The following TBC1D4 variants were observed in gnomAD, a reference collection of about 807,000 sequenced individuals.
TBC1D4 encodes TBC1 domain family member 4, also known as TBC (Tre-2, BUB2, CDC16) domain-containing protein.
In TBC1D4, 121 loss-of-function variants were observed where a neutral mutation model predicts 142.5. The ratio of observed to expected loss-of-function variants is 0.85; its 90% CI spans 0.73 to 0.99. TBC1D4 has a LOEUF of 0.99. Among genes scored for constraint, TBC1D4 ranks in the 50% least tolerant of loss-of-function variants. TBC1D4 has a pLI of 0.00. For synonymous variants in TBC1D4, 630 were observed against 628.2 expected (o/e 1.00, Z -0.04); for missense variants, 1,475 against 1,606.6 (o/e 0.92, Z 1.40).
At chr13:75,350,071 T>C (rs1229317951) in intron 4 of TBC1D4, among the ~76,000 whole-genome samples, 1 of 152,200 alleles carries the variant, frequency 6.6e-6, no homozygotes, top group African/African-American at 2.4e-5. Context: ...TCCCCATGCA[T>C]TGTTAAACCA....
At chr13:75,413,715 C>T (rs561133920) in intron 1 of TBC1D4, among the ~76,000 whole-genome samples, 5 of 152,208 alleles carry the variant, frequency 3.3e-5, no homozygotes, top group South Asian at 4.2e-4. Flanking sequence ...AGCATCACGG[C>T]GGGAAACACT....
chr13:75,296,855 T>C (rs1875981954), intron 17 of TBC1D4, among the ~76,000 whole-genome samples: 2 of 152,042 alleles, frequency 1.3e-5, no homozygotes, highest in African/African-American at 2.4e-5. Flanking sequence ...ATTTTACAGA[T>C]AAGGTAACTG....
intron 3 of TBC1D4, among the ~76,000 whole-genome samples, chr13:75,359,531 G>A (rs534901004): frequency 6.6e-6 from 1 of 152,216 alleles, no homozygotes; most frequent in Non-Finnish European, 1.5e-5. Flanking sequence ...CAATGAGAAA[G>A]AGTTGGCTAA....
At chr13:75,361,885 G>T in intron 2 of TBC1D4, 141 bp downstream of exon 2, 1 of 1,003,626 alleles carries the variant, frequency 1.0e-6, no homozygotes, top group Non-Finnish European at 1.5e-6. Flanking sequence ...TCCTCCACCT[G>T]CCTTATCTGC....
At chr13:75,421,382 T>C (rs1700829076) in intron 1 of TBC1D4, among the ~76,000 whole-genome samples, 1 of 151,930 alleles carries the variant, frequency 6.6e-6, no homozygotes, top group Non-Finnish European at 1.5e-5. Flanking sequence ...AGCTGGGGAG[T>C]TCACAAAATC....
At chr13:75,333,716 T>G (rs991769407) in intron 8 of TBC1D4, among the ~76,000 whole-genome samples, 7 of 152,232 alleles carry the variant, frequency 4.6e-5, no homozygotes, top group Non-Finnish European at 1.0e-4. Flanking sequence ...TCACTCCAAT[T>G]GCATTGGTTG....
chr13:75,377,559 C>T lies in TBC1D4; in HGVS notation c.499-14952G>A, dbSNP rs958928280. 3.9e-5 allele frequency among the ~76,000 whole-genome samples: 6 copies of T among 152,018 alleles called. No individual in the cohort carries two copies. The East Asian group carries it at 1.2e-3, about 29-fold the overall frequency. ...CCATCCCATGGACACTACAACTATA[C>T]CTCAAACACAAATGAGCAAAAACAA... is the stretch of plus-strand genomic sequence containing the variant. On this transcript the variant is annotated intron_variant, in intron 1 of 20. Transcript: ENST00000377636.
At chr13:75,298,930 G>A (rs1233279005) in intron 17 of TBC1D4, among the ~76,000 whole-genome samples, 1 of 152,132 alleles carries the variant, frequency 6.6e-6, no homozygotes, top group Non-Finnish European at 1.5e-5. Context: ...CAAAAGTAAA[G>A]GGATAAAGAT....
At chr13:75,343,225 A>G (rs1482697388) in intron 5 of TBC1D4, among the ~76,000 whole-genome samples, 3 of 152,246 alleles carry the variant, frequency 2.0e-5, no homozygotes, top group Non-Finnish European at 4.4e-5. Flanking sequence ...TACAGATAGT[A>G]TACAGGAGGA....
chr13:75,458,790 TAGG>T (rs1285521960), intron 1 of TBC1D4, among the ~76,000 whole-genome samples: 2 of 152,138 alleles, frequency 1.3e-5, no homozygotes, highest in African/African-American at 4.8e-5. Flanking sequence ...CTACTAGACA[TAGG>T]AGTTAGCTAA....
At chr13:75,425,157 A>G (rs1328003479) in intron 1 of TBC1D4, among the ~76,000 whole-genome samples, 2 of 152,204 alleles carry the variant, frequency 1.3e-5, no homozygotes, top group African/African-American at 4.8e-5. Flanking sequence ...TTAAAAAAAA[A>G]CAATTTAAAA....
intron 1 of TBC1D4, among the ~76,000 whole-genome samples, chr13:75,431,677 A>G (rs181388342): frequency 2.1e-4 from 32 of 152,338 alleles, no homozygotes; most frequent in Admixed American, 2.1e-3. Context: ...TCTTCTTACC[A>G]AAGATCTTTA....
chr13:75,447,207 A>G (rs1887325206), intron 1 of TBC1D4, among the ~76,000 whole-genome samples: 2 of 152,156 alleles, frequency 1.3e-5, no homozygotes, highest in Admixed American at 1.3e-4. Context: ...TGGTAAACTT[A>G]TATCAACGGT....
intron 17 of TBC1D4, among the ~76,000 whole-genome samples, chr13:75,298,931 G>T (rs562398442): frequency 7.4e-4 from 112 of 152,170 alleles, no homozygotes; most frequent in Non-Finnish European, 1.4e-3. Flanking sequence ...AAAAGTAAAG[G>T]GATAAAGATA....
intron 14 of TBC1D4, among the ~76,000 whole-genome samples, chr13:75,308,148 T>C (rs1237315387): frequency 1.3e-5 from 2 of 152,210 alleles, no homozygotes; most frequent in Non-Finnish European, 2.9e-5. Flanking sequence ...TAATTATCCA[T>C]TGGTTAGAAT....
At chr13:75,406,270 A>G (rs1885335636) in intron 1 of TBC1D4, among the ~76,000 whole-genome samples, 1 of 152,224 alleles carries the variant, frequency 6.6e-6, no homozygotes, top group Admixed American at 6.5e-5. Context: ...GAAAGTAAAC[A>G]CTGGATTCCT....
intron 4 of TBC1D4, 107 bp from the exon 5 acceptor site, chr13:75,349,409 T>C (rs1881425612): frequency 2.1e-6 from 3 of 1,449,690 alleles, no homozygotes; most frequent in Non-Finnish European, 2.8e-6. Context: ...ATAAAAATAA[T>C]AGAATTTTGA....
chr13:75,415,229 G>A (rs543746761), intron 1 of TBC1D4, among the ~76,000 whole-genome samples: 2 of 151,624 alleles, frequency 1.3e-5, no homozygotes, highest in South Asian at 2.1e-4. Context: ...GACTTTAAAA[G>A]AAGAATTGGT....
chr13:75,402,734 A>T (rs1483700475), intron 1 of TBC1D4, among the ~76,000 whole-genome samples: 2 of 151,286 alleles, frequency 1.3e-5, no homozygotes, highest in East Asian at 1.9e-4. Context: ...GATTTCTAAC[A>T]TCATTTTGTA....
Sources: gnomAD v4.1 joint callset for allele counts (sites outside exome capture counted in the v4.1 genomes callset) on GRCh38, gnomAD v4.1.1 for gene constraint, MANE v1.5 for transcripts, NCBI Gene and HGNC (gene_info 2026-07-23, HGNC 2026-07-21) for gene names.